The following CDH12 variants were observed in gnomAD, a reference collection of about 807,000 sequenced individuals.
The protein encoded by CDH12 is cadherin 12, also known as cadherin-12.
In CDH12, 41 loss-of-function variants were observed where a neutral mutation model predicts 74.1. The observed-to-expected ratio is 0.55, with a 90% CI of 0.43 to 0.72. The LOEUF (loss-of-function observed/expected upper bound fraction) is 0.72. Among genes scored for constraint, CDH12 ranks in the 30% least tolerant of loss-of-function variants. CDH12 has a pLI of 0.00. For synonymous variants in CDH12, 399 were observed against 355.0 expected, an observed-to-expected ratio of 1.12 and a Z score of -1.39; for missense variants, 945 against 977.2, an observed-to-expected ratio of 0.97 and a Z score of 0.44.
At chr5:21,859,331 G>T (rs574524136) in intron 6 of CDH12, among the ~76,000 whole-genome samples, 1 of 151,904 alleles carries the variant, frequency 6.6e-6, no homozygotes, top group African/African-American at 2.4e-5. Flanking sequence ...GGAAGAAGAA[G>T]TGTCAAGCAA....
chr5:21,797,078 G>C (rs1304603189), intron 10 of CDH12, among the ~76,000 whole-genome samples: 1 of 152,038 alleles, frequency 6.6e-6, no homozygotes, highest in Non-Finnish European at 1.5e-5. Context: ...GTGAGAGTAA[G>C]GAACCAGACA....
At chr5:22,581,631 G>A (rs1740106588) in intron 1 of CDH12, among the ~76,000 whole-genome samples, 1 of 152,144 alleles carries the variant, frequency 6.6e-6, no homozygotes, top group Admixed American at 6.5e-5. Flanking sequence ...CTGCCTAGTG[G>A]AACTGTGAGA....
chr5:22,686,188 G>GT (rs578261370), intron 1 of CDH12, among the ~76,000 whole-genome samples: 183 of 151,548 alleles, frequency 1.2e-3, no homozygotes, highest in Admixed American at 3.8e-3. Flanking sequence ...GGGCATTTTG[G>GT]TTTTTTTATA....
intron 1 of CDH12, among the ~76,000 whole-genome samples, chr5:22,803,189 A>G (rs568992840): frequency 4.8e-4 from 73 of 152,330 alleles, no homozygotes; most frequent in Admixed American, 3.7e-3. Context: ...AGTTTATAAT[A>G]GGCATTATTT....
chr5:22,343,480 C>T (rs776770101), intron 3 of CDH12, among the ~76,000 whole-genome samples: 22 of 152,182 alleles, frequency 1.4e-4, no homozygotes, highest in Non-Finnish European at 2.6e-4. Flanking sequence ...TGCAGTGGCG[C>T]GATCTTGGCT....
chr5:22,789,457 A>G (rs1464426748), intron 1 of CDH12, among the ~76,000 whole-genome samples: 1 of 152,138 alleles, frequency 6.6e-6, no homozygotes, highest in Non-Finnish European at 1.5e-5. Context: ...GTAGCAATAT[A>G]TAATAAAACT....
At chr5:22,113,390 C>T (rs1358703892) in intron 4 of CDH12, among the ~76,000 whole-genome samples, 1 of 152,028 alleles carries the variant, frequency 6.6e-6, no homozygotes, top group Non-Finnish European at 1.5e-5. Context: ...CTAAGGGCAG[C>T]CATCAGAAGA....
intron 1 of CDH12, among the ~76,000 whole-genome samples, chr5:22,515,068 A>C (rs766184401): frequency 9.2e-5 from 14 of 152,154 alleles, no homozygotes; most frequent in Non-Finnish European, 1.6e-4. Flanking sequence ...CAGGAGATAA[A>C]GGTATAATTT....
At chr5:22,701,838 G>A (rs550349850) in intron 1 of CDH12, among the ~76,000 whole-genome samples, 54 of 152,104 alleles carry the variant, frequency 3.6e-4, no homozygotes, top group Non-Finnish European at 6.5e-4. Flanking sequence ...AATATTCTGG[G>A]TTGACAGGAA....
At chr5:22,795,533 CACTT>C (rs1274996614) in intron 1 of CDH12, among the ~76,000 whole-genome samples, 2 of 151,382 alleles carry the variant, frequency 1.3e-5, no homozygotes, top group African/African-American at 4.9e-5. Flanking sequence ...TATATATACA[CACTT>C]ATATACATAC....
At chr5:22,030,031 C>T (rs1480195596) in intron 5 of CDH12, among the ~76,000 whole-genome samples, 1 of 144,304 alleles carries the variant, frequency 6.9e-6, no homozygotes, top group Non-Finnish European at 1.5e-5. Context: ...CCAAACACCG[C>T]ATGTTCTCAC....
chr5:22,743,079 C>G (rs1745108695), intron 1 of CDH12, among the ~76,000 whole-genome samples: 2 of 151,432 alleles, frequency 1.3e-5, no homozygotes, highest in Non-Finnish European at 2.9e-5. Flanking sequence ...AAAATATTAG[C>G]TCTTTCCAGT....
chr5:22,434,324 A>G (rs1451249589), intron 2 of CDH12, among the ~76,000 whole-genome samples: 1 of 152,098 alleles, frequency 6.6e-6, no homozygotes, highest in Non-Finnish European at 1.5e-5. Flanking sequence ...GGGGGCTTCA[A>G]TCCACATATT....
At chr5:22,845,146 C>G (rs1200648079) in intron 1 of CDH12, among the ~76,000 whole-genome samples, 1 of 151,940 alleles carries the variant, frequency 6.6e-6, no homozygotes, top group Non-Finnish European at 1.5e-5. Flanking sequence ...TATTATTTTG[C>G]CTTAAGTTGC....
chr5:22,350,448 T>C (rs1299859453), intron 3 of CDH12, among the ~76,000 whole-genome samples: 1 of 152,206 alleles, frequency 6.6e-6, no homozygotes, highest in Non-Finnish European at 1.5e-5. Flanking sequence ...GGAAAAGTTA[T>C]TGAAGGAAAC....
At chr5:22,205,135 A>T (rs188915012) in intron 4 of CDH12, among the ~76,000 whole-genome samples, 2 of 152,348 alleles carry the variant, frequency 1.3e-5, no homozygotes, top group African/African-American at 2.4e-5. Flanking sequence ...TAATGTGTTA[A>T]AACGTTAACA....
At chr5:22,363,281 A>T (rs1354534225) in intron 3 of CDH12, among the ~76,000 whole-genome samples, 2 of 152,276 alleles carry the variant, frequency 1.3e-5, no homozygotes, top group South Asian at 2.1e-4. Flanking sequence ...ATGCAAAACA[A>T]ATGAAGAAAT....
intron 1 of CDH12, among the ~76,000 whole-genome samples, chr5:22,592,157 G>A (rs1025862553): frequency 6.6e-6 from 1 of 152,148 alleles, no homozygotes; most frequent in Non-Finnish European, 1.5e-5. Context: ...GCTTTCCCAG[G>A]AAACTTAGTT....
intron 1 of CDH12, among the ~76,000 whole-genome samples, chr5:22,804,743 A>G (rs1748699788): frequency 6.6e-6 from 1 of 152,216 alleles, no homozygotes; most frequent in South Asian, 2.1e-4. Context: ...ACACATGATT[A>G]ATTATTGATT....
Sources: gnomAD v4.1 joint callset for allele counts (sites outside exome capture counted in the v4.1 genomes callset) on GRCh38, gnomAD v4.1.1 for gene constraint, MANE v1.5 for transcripts, NCBI Gene and HGNC (gene_info 2026-07-23, HGNC 2026-07-21) for gene names.